The following FGF13 variants were observed in gnomAD, a reference collection of about 807,000 sequenced individuals.
The protein encoded by FGF13 is fibroblast growth factor 13, also known as fibroblast growth factor homologous factor 2.
A neutral mutation model predicts 19.5 loss-of-function variants in FGF13; 2 were observed. That is an observed-to-expected ratio of 0.10 (90% CI 0.04 to 0.32). The LOEUF (loss-of-function observed/expected upper bound fraction) is 0.32, where lower values mean the gene tolerates loss of function less well. FGF13 is among the 10% of genes least tolerant of loss of function. The probability of loss-of-function intolerance (pLI) is 1.00; values close to 1 mark genes in which losing one functional copy is unlikely to be tolerated. For synonymous variants in FGF13, 72 were observed against 76.9 expected (o/e 0.94, Z 0.33); for missense variants, 113 against 192.7 (o/e 0.59, Z 2.45).
chrX:138,909,288 G>A (rs769378991), intron 1 of FGF13, among the ~76,000 whole-genome samples: 1 of 111,946 alleles, frequency 8.9e-6, no homozygotes, highest in African/African-American at 3.2e-5. Flanking sequence ...AGATGTAGAA[G>A]CCGACAGAGT....
chrX:138,923,947 C>CTG (rs2091659187), intron 1 of FGF13, among the ~76,000 whole-genome samples: 1 of 112,041 alleles, frequency 8.9e-6, no homozygotes, highest in Admixed American at 9.5e-5. Flanking sequence ...AAATCTCTCT[C>CTG]TAGTGGCATC....
At chrX:138,661,399 T>A (rs1379515072) in intron 3 of FGF13, among the ~76,000 whole-genome samples, 1 of 112,019 alleles carries the variant, frequency 8.9e-6, no homozygotes, top group Non-Finnish European at 1.9e-5. Flanking sequence ...GACTTACGGC[T>A]AACGAAGGCT....
intron 1 of FGF13, among the ~76,000 whole-genome samples, chrX:138,737,236 C>T: frequency 9.0e-6 from 1 of 111,240 alleles, no homozygotes. Flanking sequence ...GTGGCTGGGA[C>T]AGTCTCATCT....
At chrX:139,161,939 GA>G (rs1219692358) in intron 1 of FGF13, among the ~76,000 whole-genome samples, 1 of 112,044 alleles carries the variant, frequency 8.9e-6, no homozygotes, top group Non-Finnish European at 1.9e-5. Flanking sequence ...TCATGGATAG[GA>G]AGAATCAATA....
intron 3 of FGF13, among the ~76,000 whole-genome samples, chrX:138,640,312 G>A (rs1036841479): frequency 3.6e-5 from 4 of 112,163 alleles, no homozygotes; most frequent in African/African-American, 1.3e-4. Context: ...AGAGAGGCAA[G>A]TAAAGAATGC....
At chrX:138,651,173 C>T (rs1354628047) in intron 3 of FGF13, among the ~76,000 whole-genome samples, 1 of 111,786 alleles carries the variant, frequency 8.9e-6, no homozygotes, top group African/African-American at 3.3e-5. Context: ...GCAGACTATA[C>T]TTAGTTGCCA....
intron 2 of FGF13, among the ~76,000 whole-genome samples, chrX:138,858,078 G>C (rs2091268731): frequency 8.9e-6 from 1 of 112,033 alleles, no homozygotes; most frequent in East Asian, 2.8e-4. Flanking sequence ...ATTTGCTTCT[G>C]TTTCTTTTCT....
At chrX:138,960,695 C>A (rs1293921916) in intron 1 of FGF13, among the ~76,000 whole-genome samples, 1 of 111,707 alleles carries the variant, frequency 9.0e-6, no homozygotes, top group Admixed American at 9.5e-5. Flanking sequence ...TTCTTGGAGG[C>A]TTTGTTTGTT....
intron 1 of FGF13, among the ~76,000 whole-genome samples, chrX:138,890,456 T>C (rs1402889630): frequency 9.0e-6 from 1 of 111,463 alleles, no homozygotes; most frequent in Non-Finnish European, 1.9e-5. Flanking sequence ...TTAACAGCAA[T>C]GGCAACAGCA....
At chrX:138,727,719 A>G (rs1204455149) in intron 1 of FGF13, among the ~76,000 whole-genome samples, 16 of 111,525 alleles carry the variant, frequency 1.4e-4, no homozygotes, top group African/African-American at 4.9e-4. Flanking sequence ...AATGATTAAT[A>G]TTTTCTTGTC....
At chrX:138,974,618 G>A (rs752016831) in intron 1 of FGF13, among the ~76,000 whole-genome samples, 2 of 112,079 alleles carry the variant, frequency 1.8e-5, no homozygotes, top group Admixed American at 9.4e-5. Context: ...TTTAAAGAAA[G>A]TTAGGAGAAT....
intron 3 of FGF13, among the ~76,000 whole-genome samples, chrX:138,788,032 T>C (rs1021665256): frequency 1.8e-5 from 2 of 111,669 alleles, no homozygotes; most frequent in Middle Eastern, 4.2e-3. Context: ...AACCCCCAAA[T>C]TCTTAATTTT....
chrX:139,034,860 T>C (rs1442209506), intron 1 of FGF13, among the ~76,000 whole-genome samples: 1 of 112,158 alleles, frequency 8.9e-6, no homozygotes, highest in Admixed American at 9.5e-5. Flanking sequence ...CTATTGGTAA[T>C]AATTCTTCAT....
At chrX:139,018,088 T>C (rs943279727) in intron 1 of FGF13, among the ~76,000 whole-genome samples, 1 of 111,774 alleles carries the variant, frequency 8.9e-6, no homozygotes, top group Non-Finnish European at 1.9e-5. Flanking sequence ...CCTTTTAATG[T>C]GGATTGGCTC....
chrX:138,688,430 T>A (rs1346383779), intron 3 of FGF13, among the ~76,000 whole-genome samples: 1 of 111,471 alleles, frequency 9.0e-6, no homozygotes, highest in Non-Finnish European at 1.9e-5. Flanking sequence ...GATTATAGTT[T>A]ACAAAAATTT....
rs1483109416 is a variant in FGF13, at chrX:138,857,591, G to A, written c.51C>T (p.Ser17=). The change falls in exon 3 of 3, where the codon TCC becomes TCT. Residue 17 remains serine (S), a synonymous_variant. Coordinates refer to the FGF13 transcript ENST00000421460. The stretch of plus-strand genomic sequence containing the variant: ...TTTCGTGACACTTAGCACGAAAGGG[G>A]GACTCTTTTTTCTTTAATTCCGCAG... 18 of 1,205,549 alleles carry A rather than the reference G, an allele frequency of 1.5e-5. No individual in the cohort carries two copies. The Middle Eastern group carries it at 9.2e-4, about 61-fold the overall frequency.
intron 1 of FGF13, among the ~76,000 whole-genome samples, chrX:138,996,266 C>T (rs1205098679): frequency 8.9e-6 from 1 of 112,466 alleles, no homozygotes; most frequent in African/African-American, 3.2e-5. Flanking sequence ...GGGGGATTTC[C>T]CTTTCCTACC....
intron 1 of FGF13, among the ~76,000 whole-genome samples, chrX:138,941,061 C>A (rs2124272800): frequency 9.0e-6 from 1 of 110,987 alleles, no homozygotes; most frequent in Non-Finnish European, 1.9e-5. Flanking sequence ...AGGAACATAC[C>A]TCCAAATAAT....
In FGF13 at chrX:138,628,222, A is replaced by ATCTT. The variant is rs1306418057; in HGVS notation, c.*4624_*4627dup. On this transcript the variant is annotated 3_prime_UTR_variant, in exon 5 of 5. Coordinates refer to ENST00000315930, the MANE Select transcript of FGF13 (RefSeq NM_004114.5). ...CAATCGTGTGAAACCATGAGACCAC[A>ATCTT]TCTTTGTGGACAGAGCAATAAAAGT... 8.9e-6 allele frequency: 1 copy of ATCTT among 112,156 alleles called. No individual in the cohort carries two copies. The highest frequency in any genetic ancestry group is 1.9e-5 in the Non-Finnish European group (1 of 53,290). The allele number at this position is 112,156 out of a possible 1,213,427, so 9.2% of individuals were successfully genotyped here.
Sources: gnomAD v4.1 joint callset for allele counts (sites outside exome capture counted in the v4.1 genomes callset) on GRCh38, gnomAD v4.1.1 for gene constraint, MANE v1.5 for transcripts, NCBI Gene and HGNC (gene_info 2026-07-23, HGNC 2026-07-21) for gene names.